Variants in NIPAL2 observed in about 807,000 individuals in gnomAD.
NIPAL2 encodes the protein NIPA-like protein 2.
In NIPAL2, 43 loss-of-function variants were observed where a neutral mutation model predicts 48.9. The observed-to-expected ratio is 0.88, with a 90% CI of 0.69 to 1.13. NIPAL2 has a LOEUF of 1.13. Among genes scored for constraint, NIPAL2 ranks in the 50% most tolerant of loss-of-function variants. The pLI, the probability that NIPAL2 is intolerant of heterozygous loss-of-function variation, is 0.00. For missense variants in NIPAL2, 446 were observed against 461.4 expected (o/e 0.97, Z 0.31); for synonymous variants, 167 against 174.6 (o/e 0.96, Z 0.34).
chr8:98,259,834 C>A (rs1371595460), intron 1 of NIPAL2, among the ~76,000 whole-genome samples: 2 of 152,192 alleles, frequency 1.3e-5, no homozygotes, highest in African/African-American at 2.4e-5. Context: ...CACCCAGCCC[C>A]CAGCTGACAT....
In NIPAL2 at chr8:98,205,126, C is replaced by G. The variant is rs1396448117; in HGVS notation, c.776G>C (p.Cys259Ser). 5.6e-6 allele frequency: 9 copies of G among 1,613,486 alleles called. No homozygotes were observed. Among genetic ancestry groups the G allele is most frequent in the African/African-American group, 1.3e-5 (1 of 74,962 alleles). Residue 259 changes from cysteine to serine, a missense_variant, in exon 7 of 11, where the codon TGT becomes TCT. Physicochemically the swap from Cys to Ser is moderately radical, Grantham distance 112. Transcript: ENST00000430223. ...GCTAACTTACTTGACTTGGAAAACA[C>G]AAGATGCTATCATGATGATAAACAT... ...YIMFIIMIAS[C>S]VFQVKFLNQA...
At chr8:98,261,392 A>C (rs1461396948) in intron 1 of NIPAL2, among the ~76,000 whole-genome samples, 2 of 138,048 alleles carry the variant, frequency 1.4e-5, no homozygotes, top group Non-Finnish European at 3.1e-5. Context: ...AAAATTTAGA[A>C]GAATGTATAA....
chr8:98,286,963 C>G (rs766969167), intron 1 of NIPAL2, among the ~76,000 whole-genome samples: 5 of 152,026 alleles, frequency 3.3e-5, no homozygotes, highest in African/African-American at 1.2e-4. Context: ...AGGCCTCATG[C>G]AATTAGGACG....
At chr8:98,198,265 G>A (rs1003942361) in intron 8 of NIPAL2, among the ~76,000 whole-genome samples, 6 of 152,184 alleles carry the variant, frequency 3.9e-5, no homozygotes, top group African/African-American at 1.4e-4. Context: ...TCAACAGTGG[G>A]TTTAAAATAT....
intron 3 of NIPAL2, among the ~76,000 whole-genome samples, chr8:98,237,511 G>C (rs989151582): frequency 6.6e-6 from 1 of 151,492 alleles, no homozygotes; most frequent in Admixed American, 6.6e-5. Context: ...CAGAGTAATC[G>C]CTCTAAAATG....
chr8:98,293,811 G>A (rs542737721), intron 1 of NIPAL2, among the ~76,000 whole-genome samples, 192 bp downstream of exon 1: 1 of 152,316 alleles, frequency 6.6e-6, no homozygotes, highest in East Asian at 1.9e-4. Flanking sequence ...AAGACTGGGC[G>A]GACCCCCGCG....
At chr8:98,292,749 G>C (rs1816559069) in intron 1 of NIPAL2, among the ~76,000 whole-genome samples, 1 of 146,544 alleles carries the variant, frequency 6.8e-6, no homozygotes, top group East Asian at 2.0e-4. Context: ...TTTTAATCAA[G>C]AGGGGATAGA....
intron 3 of NIPAL2, among the ~76,000 whole-genome samples, chr8:98,250,435 T>A (rs960922459): frequency 6.6e-6 from 1 of 152,116 alleles, no homozygotes; most frequent in Non-Finnish European, 1.5e-5. Context: ...AAATCCTCCA[T>A]CACCAGCAGT....
At chr8:98,232,673 G>A (rs556902851) in intron 4 of NIPAL2, among the ~76,000 whole-genome samples, 1 of 152,052 alleles carries the variant, frequency 6.6e-6, no homozygotes, top group African/African-American at 2.4e-5. Flanking sequence ...TTCCTCTAGT[G>A]TGGTCTTAAA....
chr8:98,291,318 T>C (rs577824567), intron 1 of NIPAL2, among the ~76,000 whole-genome samples: 92 of 152,348 alleles, frequency 6.0e-4, no homozygotes, highest in Non-Finnish European at 9.4e-4. Flanking sequence ...CCATGAGGGC[T>C]GCTTCTGGGT....
intron 3 of NIPAL2, among the ~76,000 whole-genome samples, chr8:98,247,713 T>C (rs1813380885): frequency 6.6e-6 from 1 of 152,170 alleles, no homozygotes. Context: ...GAGGAGGGCC[T>C]GCGTAGGGTG....
chr8:98,211,806 C>T (rs1413497999), intron 6 of NIPAL2, among the ~76,000 whole-genome samples: 15 of 115,768 alleles, frequency 1.3e-4, no homozygotes, highest in Admixed American at 1.2e-3. Flanking sequence ...AAGAAAGAGA[C>T]AGGGACAGAG....
chr8:98,264,175 A>G (rs1263409965), intron 1 of NIPAL2, among the ~76,000 whole-genome samples: 1 of 149,296 alleles, frequency 6.7e-6, no homozygotes, highest in Non-Finnish European at 1.5e-5. Context: ...CCAATATCAT[A>G]CTGAATGGGC....
intron 4 of NIPAL2, among the ~76,000 whole-genome samples, chr8:98,223,444 C>T (rs1183812630): frequency 6.6e-6 from 1 of 152,090 alleles, no homozygotes; most frequent in Non-Finnish European, 1.5e-5. Flanking sequence ...AGCAGTCTGA[C>T]AAAACACCCG....
intron 1 of NIPAL2, among the ~76,000 whole-genome samples, chr8:98,266,955 T>C (rs1330780312): frequency 6.6e-6 from 1 of 151,572 alleles, no homozygotes; most frequent in Non-Finnish European, 1.5e-5. Flanking sequence ...GACAAAGCAA[T>C]CATATAAATG....
intron 3 of NIPAL2, among the ~76,000 whole-genome samples, chr8:98,246,652 T>C (rs1307391411): frequency 6.6e-6 from 1 of 152,236 alleles, no homozygotes; most frequent in African/African-American, 2.4e-5. Flanking sequence ...CATTCAATAT[T>C]AGTTTCTTAC....
In NIPAL2 at chr8:98,203,353, C is replaced by T. The variant is rs570683198; in HGVS notation, c.792-157G>A. ...CCAATCAGCAGTCATAGCTTATATG[C>T]ATCTGATGTATGAGATCAGATGTCA... On this transcript the variant is annotated intron_variant, in intron 7 of 10. Transcript: ENST00000430223. Among the ~76,000 whole-genome samples, 7 of 152,278 alleles carry T rather than the reference C, an allele frequency of 4.6e-5. No individual in the cohort carries two copies. In the South Asian group the frequency reaches 1.5e-3, roughly 32 times the overall value.
intron 5 of NIPAL2, among the ~76,000 whole-genome samples, chr8:98,220,256 A>G (rs573005251): frequency 6.6e-6 from 1 of 152,212 alleles, no homozygotes; most frequent in Non-Finnish European, 1.5e-5. Context: ...TCCTCAGTAG[A>G]CATGTCCCTG....
Position 98,254,096 on chromosome 8 carries a change from G to T in NIPAL2, c.136-9C>A. On this transcript the variant is annotated splice_polypyrimidine_tract_variant and intron_variant, in intron 1 of 10. Coordinates refer to ENST00000430223, the MANE Select transcript of NIPAL2 (RefSeq NM_001321635.2). Reference sequence around the variant, plus strand: ...ACTCCAAAAAGGTGAATCTGTAAAAGAAAATGTTTTCCTTAAATAATACTT... The same window carrying T: ...ACTCCAAAAAGGTGAATCTGTAAAATAAAATGTTTTCCTTAAATAATACTT... 3 of 1,603,874 alleles carry T rather than the reference G, an allele frequency of 1.9e-6. No homozygotes were observed. Among genetic ancestry groups the T allele is most frequent in the East Asian group, 2.2e-5 (1 of 44,700 alleles).
Sources: allele counts gnomAD v4.1 joint callset (sites outside exome capture counted in the v4.1 genomes callset), GRCh38; gene constraint gnomAD v4.1.1; transcripts MANE v1.5; gene names NCBI Gene and HGNC (gene_info 2026-07-23, HGNC 2026-07-21).